Variants in RCAN1 observed in about 807,000 individuals in gnomAD.
RCAN1 encodes the protein regulator of calcineurin 1.
A neutral mutation model predicts 22.9 loss-of-function variants in RCAN1; 11 were observed. That is an observed-to-expected ratio of 0.48 (90% confidence interval 0.30 to 0.79). RCAN1 has a LOEUF of 0.79. Ranked by LOEUF, RCAN1 falls within the 30% of genes least tolerant of loss-of-function variation. RCAN1 has a pLI of 0.06. For missense variants in RCAN1, 291 were observed against 337.8 expected (o/e 0.86, Z 1.09); for synonymous variants, 136 against 142.3 (o/e 0.96, Z 0.32).
intron 3 of RCAN1, among the ~76,000 whole-genome samples, chr21:34,519,134 T>C (rs139832604): frequency 1.3e-5 from 2 of 152,172 alleles, no homozygotes; most frequent in Non-Finnish European, 2.9e-5. Context: ...ATTGACTTCA[T>C]GGAGCTAACA....
chr21:34,536,102 G>A (rs554744619), intron 1 of RCAN1, among the ~76,000 whole-genome samples: 22 of 151,940 alleles, frequency 1.4e-4, no homozygotes, highest in African/African-American at 5.1e-4. Flanking sequence ...ATATGTAAAG[G>A]TTAACCACCC....
At chr21:34,538,077 G>C (rs1267652692) in intron 1 of RCAN1, among the ~76,000 whole-genome samples, 1 of 152,208 alleles carries the variant, frequency 6.6e-6, no homozygotes, top group Non-Finnish European at 1.5e-5. Flanking sequence ...GACAGAGGAA[G>C]AATCTGAACT....
chr21:34,530,616 G>GTTTTTTTT lies in RCAN1; in HGVS notation c.253-6914_253-6907dup, dbSNP rs59150851. ...TTTTTGCTTCTAAGATAGTGAAATA[G>GTTTTTTTT]TTTTTTTTTTTTTTTTTTTTTTTTT... On this transcript the variant is annotated intron_variant, in intron 1 of 3. Transcript: ENST00000313806. Among the ~76,000 whole-genome samples, 197 of 66,140 alleles carry GTTTTTTTT rather than the reference G, an allele frequency of 3.0e-3. 7 individuals are homozygous for GTTTTTTTT. Among genetic ancestry groups the GTTTTTTTT allele is most frequent in the Middle Eastern group, 7.2e-3 (1 of 138 alleles). 43.4% of individuals were successfully genotyped at this position (66,140 alleles called of 152,430 possible). A position where few individuals can be genotyped will look rare whatever the true frequency, so the allele number is the denominator to read the frequency against.
chr21:34,521,252 G>C (rs1265316489), intron 3 of RCAN1: 4 of 1,434,418 alleles, frequency 2.8e-6, no homozygotes, highest in East Asian at 2.5e-5. Context: ...GGGACACTGC[G>C]GGGGGTGGAG....
intron 1 of RCAN1, among the ~76,000 whole-genome samples, chr21:34,547,001 C>T (rs542281125): frequency 1.3e-5 from 2 of 152,250 alleles, no homozygotes; most frequent in East Asian, 1.9e-4. Flanking sequence ...TCTCCCCAAA[C>T]CCTAGTTTGG....
chr21:34,604,575 C>T lies in RCAN1; in HGVS notation c.252+10185G>A, dbSNP rs369606144. Among the ~76,000 whole-genome samples the T allele has an allele frequency of 2.8e-4, 43 of 152,296 alleles. No individual in the cohort carries two copies. In the East Asian group the frequency reaches 3.9e-3, roughly 14 times the overall value. On this transcript the variant is annotated intron_variant, in intron 1 of 3. Transcript: ENST00000313806. ...GCCACATGCTGGACAAAACAGGGTA[C>T]GGGTGTAAGCCAGAGAAGCTGTGTG...
chr21:34,614,336 T>TTA lies in RCAN1; in HGVS notation c.252+422_252+423dup. The TTA allele has an allele frequency of 1.0e-6, 1 of 990,188 alleles. No individual in the cohort carries two copies. The highest frequency in any genetic ancestry group is 1.2e-6 in the Non-Finnish European group (1 of 833,264). 61.3% of individuals were successfully genotyped at this position (990,188 alleles called of 1,614,324 possible). ...TGGGAATGCAGGGACGTCGTCCTAT[T>TTA]TATGAACACTGAGTCACGTCGCCGC... On this transcript the variant is annotated intron_variant, in intron 1 of 3. Transcript: ENST00000313806. This position sits in a 1 kb window ranked among gnomAD's most constrained non-coding sequence, Gnocchi z 6.0.
intron 1 of RCAN1, among the ~76,000 whole-genome samples, chr21:34,544,695 C>A (rs1250806881): frequency 1.3e-5 from 2 of 152,210 alleles, no homozygotes; most frequent in Non-Finnish European, 2.9e-5. Flanking sequence ...TCTCAACGAG[C>A]CTTTGCTGAA....
chr21:34,563,766 A>ATATAT (rs1472308848), intron 1 of RCAN1, among the ~76,000 whole-genome samples: 14 of 93,406 alleles, frequency 1.5e-4, no homozygotes, highest in South Asian at 3.9e-4. Context: ...AAAAAAAAAA[A>ATATAT]AAAAATATAT....
intron 1 of RCAN1, among the ~76,000 whole-genome samples, chr21:34,573,673 T>G (rs1426516098): frequency 6.6e-6 from 1 of 152,220 alleles, no homozygotes; most frequent in African/African-American, 2.4e-5. Flanking sequence ...CTCCCCTGTG[T>G]GCTACAACAT....
At chr21:34,522,719 T>C (rs1984672048) in intron 2 of RCAN1, 1 of 102,304 alleles carries the variant, frequency 9.8e-6, no homozygotes, top group South Asian at 3.5e-4. Flanking sequence ...TGTGTATGTG[T>C]GTGTGTGGTG....
intron 1 of RCAN1, among the ~76,000 whole-genome samples, chr21:34,566,601 C>T (rs1987015409): frequency 6.6e-6 from 1 of 152,150 alleles, no homozygotes; most frequent in South Asian, 2.1e-4. Context: ...ACCAAGCAAA[C>T]TCACTTCACT....
At chr21:34,530,463 G>T (rs1286975416) in intron 1 of RCAN1, among the ~76,000 whole-genome samples, 1 of 152,160 alleles carries the variant, frequency 6.6e-6, no homozygotes, top group Non-Finnish European at 1.5e-5. Flanking sequence ...CCCCTGTGAA[G>T]CTGTCTGCAA....
At chr21:34,521,442 T>A in intron 3 of RCAN1, 57 bp downstream of exon 3, 1 of 1,612,096 alleles carries the variant, frequency 6.2e-7, no homozygotes, top group Non-Finnish European at 8.5e-7. Flanking sequence ...TGCTCCCTGG[T>A]GCAGGGCAGC....
At chr21:34,610,628 C>A (rs1430777209) in intron 1 of RCAN1, among the ~76,000 whole-genome samples, 1 of 152,220 alleles carries the variant, frequency 6.6e-6, no homozygotes, top group African/African-American at 2.4e-5. Context: ...TGGTTCCCAA[C>A]CTCAGCTAAC....
At chr21:34,587,532 C>A (rs1450955957) in intron 1 of RCAN1, among the ~76,000 whole-genome samples, 1 of 151,738 alleles carries the variant, frequency 6.6e-6, no homozygotes, top group African/African-American at 2.4e-5. Context: ...CATAAAATTA[C>A]AAAATGAAAA....
At chr21:34,552,184 T>C (rs1419524484) in intron 1 of RCAN1, among the ~76,000 whole-genome samples, 1 of 152,206 alleles carries the variant, frequency 6.6e-6, no homozygotes, top group East Asian at 1.9e-4. Context: ...AGGGTTTGGC[T>C]TCTTGTTGAA....
intron 1 of RCAN1, among the ~76,000 whole-genome samples, chr21:34,537,631 G>A (rs1181096179): frequency 6.6e-6 from 1 of 152,192 alleles, no homozygotes; most frequent in Non-Finnish European, 1.5e-5. Flanking sequence ...CAGCCCCCAG[G>A]GCATTTCAAT....
intron 1 of RCAN1, among the ~76,000 whole-genome samples, chr21:34,595,500 G>C (rs1276805814): frequency 6.6e-6 from 1 of 152,238 alleles, no homozygotes; most frequent in African/African-American, 2.4e-5. Context: ...TGCTAAGAGT[G>C]TACAGACCCA....
Sources: gnomAD v4.1 joint callset for allele counts (sites outside exome capture counted in the v4.1 genomes callset) on GRCh38, gnomAD v4.1.1 for gene constraint, Gnocchi (gnomAD v3.1) non-coding constraint, MANE v1.5 for transcripts, NCBI Gene and HGNC (gene_info 2026-07-23, HGNC 2026-07-21) for gene names.